CDK7: variants seen among roughly 807,000 people sequenced by gnomAD.
The protein encoded by CDK7 is cyclin dependent kinase 7.
Under a neutral mutation model 49.1 loss-of-function variants are expected in CDK7, and 25 were observed. That is an observed-to-expected ratio of 0.51 (90% CI 0.37 to 0.71). The LOEUF is 0.71. Ranked by LOEUF, CDK7 falls within the 30% of genes least tolerant of loss-of-function variation. The pLI, the probability that CDK7 is intolerant of heterozygous loss-of-function variation, is 0.00. For synonymous variants in CDK7, 107 were observed against 140.0 expected (o/e 0.76, Z 1.67); for missense variants, 316 against 411.7 (o/e 0.77, Z 2.01).
chr5:69,274,996 G>A (rs1751964713), intron 10 of CDK7, among the ~76,000 whole-genome samples: 1 of 151,392 alleles, frequency 6.6e-6, no homozygotes, highest in Admixed American at 6.6e-5. Context: ...CCCGGGAGGT[G>A]GAGGTTGCAG....
chr5:69,276,734 C>G (rs1258934357), intron 11 of CDK7, 44 bp downstream of exon 11: 1 of 1,532,008 alleles, frequency 6.5e-7, no homozygotes, highest in Non-Finnish European at 9.0e-7. Context: ...ATTTAGAAAA[C>G]TCCAAATAGC....
Position 69,239,188 on chromosome 5 carries a change from C to T in CDK7, c.126+3735C>T, listed in dbSNP as rs115267715. Among the ~76,000 whole-genome samples, 1,098 of 152,186 alleles carry T rather than the reference C, an allele frequency of 7.2e-3. 10 individuals carry two copies. Among genetic ancestry groups the T allele is most frequent in the Non-Finnish European group, 8.4e-3 (572 of 68,012 alleles). ...CTTTACCAGATATGGTCAAATTGCTCTCCAGAATGATTGGACCAGTTTACT... is the reference window on the plus strand; with the variant it reads ...CTTTACCAGATATGGTCAAATTGCTTTCCAGAATGATTGGACCAGTTTACT... On this transcript the variant is annotated intron_variant, in intron 2 of 11. Transcript: ENST00000256443.
At chr5:69,266,769 T>G (rs1751185835) in intron 8 of CDK7, among the ~76,000 whole-genome samples, 1 of 151,820 alleles carries the variant, frequency 6.6e-6, no homozygotes, top group South Asian at 2.1e-4. Context: ...CGATATTTAA[T>G]AACTGGAATA....
At chr5:69,254,802 T>A in intron 4 of CDK7, 133 bp downstream of exon 4, 1 of 599,234 alleles carries the variant, frequency 1.7e-6, no homozygotes. Flanking sequence ...ATACATTTTC[T>A]ATCCCAGTTG....
At chr5:69,271,102 C>T (rs993161908) in intron 9 of CDK7, among the ~76,000 whole-genome samples, 1 of 152,164 alleles carries the variant, frequency 6.6e-6, no homozygotes, top group Non-Finnish European at 1.5e-5. Flanking sequence ...AATGAATGCT[C>T]CAGTTTCTTG....
chr5:69,269,568 T>A (rs1751389788), intron 9 of CDK7, among the ~76,000 whole-genome samples: 2 of 151,736 alleles, frequency 1.3e-5, no homozygotes, highest in African/African-American at 4.8e-5. Context: ...ATGTTAGGAG[T>A]TTATAAGCAC....
At chr5:69,245,106 A>C (rs903643557) in intron 2 of CDK7, among the ~76,000 whole-genome samples, 1 of 152,036 alleles carries the variant, frequency 6.6e-6, no homozygotes, top group African/African-American at 2.4e-5. Context: ...TTTTTACATG[A>C]ATGTACATCA....
In CDK7 at chr5:69,269,232, A is replaced by T. The variant is rs761324618; in HGVS notation, c.653A>T (p.Asp218Val). Residue 218 changes from aspartate (D) to valine (V), a missense_variant, in exon 9 of 12, where the codon GAC (aspartate) becomes GTC (valine). Transcript: ENST00000256443. ...LRVPFLPGDS[D>V]LDQLTRIFET... ...GTTCCTTTTTTGCCAGGAGATTCAGACCTTGATCAGCTAACAAGAATATTT... is the reference window on the plus strand; with the variant it reads ...GTTCCTTTTTTGCCAGGAGATTCAGTCCTTGATCAGCTAACAAGAATATTT... 4 of 1,611,678 alleles carry T rather than the reference A, an allele frequency of 2.5e-6. No individual in the cohort carries two copies. The highest frequency in any genetic ancestry group is 3.4e-6 in the Non-Finnish European group (4 of 1,179,142).
chr5:69,274,894 G>A (rs1041393902), intron 10 of CDK7, among the ~76,000 whole-genome samples: 1 of 152,094 alleles, frequency 6.6e-6, no homozygotes, highest in African/African-American at 2.4e-5. Context: ...GGGATTACAG[G>A]CATGAGCCAC....
intron 8 of CDK7, among the ~76,000 whole-genome samples, chr5:69,262,684 GAAA>G (rs1750910245): frequency 7.3e-6 from 1 of 136,316 alleles, no homozygotes; most frequent in Non-Finnish European, 1.6e-5. Flanking sequence ...AAAAAAAAAA[GAAA>G]AAGAAAAAGA....
chr5:69,242,343 T>C (rs1231728123), intron 2 of CDK7, among the ~76,000 whole-genome samples: 1 of 152,160 alleles, frequency 6.6e-6, no homozygotes, highest in Non-Finnish European at 1.5e-5. Context: ...TGTAGAGAGT[T>C]GAAACTGTCT....
chr5:69,272,921 A>G lies in CDK7; in HGVS notation c.744A>G (p.Thr248=). Residue 248 remains threonine (T), a synonymous_variant, in exon 10 of 12, where the codon ACA becomes ACG. Coordinates refer to ENST00000256443, the MANE Select transcript of CDK7 (RefSeq NM_001799.4). ...PDMCSLPDYV[T]FKSFPGIPLH... is the part of the protein sequence containing the mutation. ...TGTGTAGTCTTCCAGATTATGTGAC[A>G]TTTAAGAGTTTCCCTGGAATACCTT... 6.3e-7 allele frequency: 1 copy of G among 1,596,324 alleles called. No homozygotes were observed. Among genetic ancestry groups the G allele is most frequent in the Non-Finnish European group, 8.5e-7 (1 of 1,170,110 alleles).
chr5:69,265,564 C>T (rs1013895705), intron 8 of CDK7, among the ~76,000 whole-genome samples: 2 of 152,156 alleles, frequency 1.3e-5, no homozygotes, highest in African/African-American at 4.8e-5. Flanking sequence ...AATTCTTTGC[C>T]TGTTCATATT....
chr5:69,274,025 T>A (rs1751852174), intron 10 of CDK7, among the ~76,000 whole-genome samples: 1 of 152,198 alleles, frequency 6.6e-6, no homozygotes, highest in Non-Finnish European at 1.5e-5. Flanking sequence ...TGTGTACACA[T>A]ACTCTTTTAA....
chr5:69,244,942 T>C (rs1376460872), intron 2 of CDK7, among the ~76,000 whole-genome samples: 1 of 152,226 alleles, frequency 6.6e-6, no homozygotes, highest in Non-Finnish European at 1.5e-5. Context: ...GAAATGATTA[T>C]ATAGTTTCTG....
intron 2 of CDK7, among the ~76,000 whole-genome samples, chr5:69,249,863 A>AT (rs1750025213): frequency 6.6e-6 from 1 of 152,172 alleles, no homozygotes; most frequent in African/African-American, 2.4e-5. Context: ...ACAAAGACTG[A>AT]TGCATTCTTG....
At chr5:69,241,365 G>C (rs1472300986) in intron 2 of CDK7, among the ~76,000 whole-genome samples, 1 of 133,486 alleles carries the variant, frequency 7.5e-6, no homozygotes, top group Non-Finnish European at 1.5e-5. Context: ...CTGTCACCCA[G>C]GCTGGAGTGC....
chr5:69,257,250 G>A (rs1750548518), intron 5 of CDK7, among the ~76,000 whole-genome samples: 1 of 152,050 alleles, frequency 6.6e-6, no homozygotes, highest in Admixed American at 6.6e-5. Context: ...TGATTATAGT[G>A]GTGGTTACAT....
chr5:69,274,941 A>G (rs1174803032), intron 10 of CDK7, among the ~76,000 whole-genome samples: 1 of 151,958 alleles, frequency 6.6e-6, no homozygotes, highest in African/African-American at 2.4e-5. Context: ...CATTGTAGCC[A>G]CTGGACAGCA....
Sources: gnomAD v4.1 joint callset for allele counts (sites outside exome capture counted in the v4.1 genomes callset) on GRCh38, gnomAD v4.1.1 for gene constraint, MANE v1.5 for transcripts, NCBI Gene and HGNC (gene_info 2026-07-23, HGNC 2026-07-21) for gene names.